The following LOXHD1 variants were observed in gnomAD, a reference collection of about 807,000 sequenced individuals.
The protein encoded by LOXHD1 is lipoxygenase homology domain-containing protein 1.
LOXHD1 carries 205 observed loss-of-function variants against 248.2 expected under a neutral mutation model. The ratio of observed to expected loss-of-function variants is 0.83; its 90% confidence interval spans 0.74 to 0.93. The LOEUF (loss-of-function observed/expected upper bound fraction) is 0.93, where lower values mean the gene tolerates loss of function less well. Ranked by LOEUF, LOXHD1 falls within the 40% of genes least tolerant of loss-of-function variation. The pLI is 0.00. For synonymous variants in LOXHD1, 1,113 were observed against 1,162.8 expected (o/e 0.96, Z 0.87); for missense variants, 2,930 against 2,971.6 (o/e 0.99, Z 0.33).
chr18:46,593,799 G>T, intron 9 of LOXHD1, 39 bp from the exon 10 acceptor site: 3 of 1,547,532 alleles, frequency 1.9e-6, no homozygotes, highest in Non-Finnish European at 2.6e-6. Context: ...ACTTCAGGAA[G>T]TGAAGAGATT....
Position 46,649,266 on chromosome 18 carries a change from T to C in LOXHD1, c.134A>G (p.Tyr45Cys). The C allele has an allele frequency of 6.4e-7, 1 of 1,551,376 alleles. No individual in the cohort carries two copies. Among genetic ancestry groups the C allele is most frequent in the Non-Finnish European group, 8.7e-7 (1 of 1,146,616 alleles). Residue 45 changes from tyrosine (Y) to cysteine (C), a missense_variant, in exon 2 of 41, where the codon TAT (tyrosine) becomes TGT (cysteine). Physicochemically the swap from Tyr to Cys is radical, Grantham distance 194 (BLOSUM62 -2). Coordinates refer to ENST00000642948, the MANE Select transcript of LOXHD1 (RefSeq NM_001384474.1). ...ATCCCCCGTGGCTGTGACCACTTCA[T>C]ACACTGGAGGAGGAGAGGAGGAGAC... ...LEHEYYKARVYEVVTATGDVR... is the reference protein window; with the variant it reads ...LEHEYYKARVCEVVTATGDVR...
At position 46,477,467 on chromosome 18, in the gene LOXHD1, G is replaced by T. The variant is rs79521066; in HGVS notation, c.*5C>A. 1.1e-5 allele frequency: 17 copies of T among 1,543,652 alleles called. No individual in the cohort carries two copies. The highest frequency in any genetic ancestry group is 1.4e-5 in the Non-Finnish European group (16 of 1,141,662). On this transcript the variant is annotated 3_prime_UTR_variant, in exon 41 of 41. Coordinates refer to ENST00000642948, the MANE Select transcript of LOXHD1 (RefSeq NM_001384474.1). ...TCTCAGTGAGAGGGTGGGGGCCCTA[G>T]CCCCTCAGACAGAAGGGAAGAGGTC...
chr18:46,564,220 T>C (rs1201083864), intron 17 of LOXHD1, among the ~76,000 whole-genome samples: 3 of 152,106 alleles, frequency 2.0e-5, no homozygotes, highest in African/African-American at 4.8e-5. Context: ...CGTCTAAGAC[T>C]GTAAAATTAA....
chr18:46,607,431 A>T (rs1417913498), intron 6 of LOXHD1, among the ~76,000 whole-genome samples: 2 of 150,054 alleles, frequency 1.3e-5, no homozygotes, highest in Non-Finnish European at 3.0e-5. Context: ...TGTCATAATG[A>T]ATATATATAC....
chr18:46,568,703 C>T (rs1213307235), intron 16 of LOXHD1, among the ~76,000 whole-genome samples: 2 of 152,166 alleles, frequency 1.3e-5, no homozygotes, highest in Non-Finnish European at 2.9e-5. Context: ...CCCCCTGACT[C>T]TACTGAGCCC....
chr18:46,592,367 C>G (rs981643888), intron 11 of LOXHD1, 131 bp downstream of exon 11: 4 of 800,684 alleles, frequency 5.0e-6, no homozygotes, highest in Admixed American at 5.6e-5. Context: ...AAATTCAGGT[C>G]TCACCATAAC....
intron 12 of LOXHD1, among the ~76,000 whole-genome samples, chr18:46,580,003 T>A (rs914237625): frequency 7.9e-5 from 12 of 152,256 alleles, no homozygotes; most frequent in Admixed American, 2.6e-4. Context: ...ATTATAGGTA[T>A]ATGGATTCCA....
intron 4 of LOXHD1, among the ~76,000 whole-genome samples, chr18:46,625,936 T>A (rs1175214277): frequency 1.3e-5 from 2 of 152,188 alleles, no homozygotes; most frequent in Non-Finnish European, 2.9e-5. Flanking sequence ...AGTAGACTGC[T>A]AGTATTTATC....
rs116852952 is a variant in LOXHD1, at chr18:46,559,399, G to A, written c.3216+49C>T. ...ATGGGCTGCCATGGGAATCTCAGAG[G>A]GCACCAAACCCACAGCCCCCACCCA... On this transcript the variant is annotated intron_variant, in intron 20 of 40. Transcript: ENST00000642948. 0.012 allele frequency: 17,978 copies of A among 1,551,398 alleles called. 128 individuals are homozygous for A. The highest frequency in any genetic ancestry group is 0.014 in the Non-Finnish European group (16,158 of 1,146,882).
At chr18:46,647,121 C>A (rs116950379) in intron 2 of LOXHD1, among the ~76,000 whole-genome samples, 6,441 of 152,300 alleles carry the variant, frequency 0.042, 176 homozygotes, top group South Asian at 0.07. Context: ...TGGGGCCAAC[C>A]CCTGGGGTAA....
chr18:46,592,672 G>A (rs2038193663), intron 10 of LOXHD1, 88 bp from the exon 11 acceptor site: 2 of 1,100,014 alleles, frequency 1.8e-6, no homozygotes, highest in Non-Finnish European at 2.7e-6. Flanking sequence ...GAGGGTACCT[G>A]CTTTGGGCTC....
chr18:46,549,341 G>C (rs2036985142), intron 21 of LOXHD1, among the ~76,000 whole-genome samples: 1 of 85,686 alleles, frequency 1.2e-5, no homozygotes, highest in African/African-American at 3.4e-5. Context: ...CCACTTGAAA[G>C]TAAAAAATGG....
chr18:46,479,442 A>G (rs1466055164), intron 40 of LOXHD1, among the ~76,000 whole-genome samples: 1 of 151,990 alleles, frequency 6.6e-6, no homozygotes, highest in African/African-American at 2.4e-5. Flanking sequence ...CAGGAATTAT[A>G]AAGGAAAAAG....
chr18:46,608,537 C>A (rs1398241371), intron 6 of LOXHD1, among the ~76,000 whole-genome samples: 1 of 152,214 alleles, frequency 6.6e-6, no homozygotes, highest in African/African-American at 2.4e-5. Flanking sequence ...CTTCAAGGTA[C>A]CTGTTCTGTG....
At chr18:46,487,913 G>T (rs1260876650) in intron 38 of LOXHD1, among the ~76,000 whole-genome samples, 2 of 152,172 alleles carry the variant, frequency 1.3e-5, no homozygotes, top group East Asian at 3.8e-4. Flanking sequence ...TTAGGATTGG[G>T]TTTCAGGTAC....
intron 25 of LOXHD1, among the ~76,000 whole-genome samples, chr18:46,538,630 A>G (rs924943362): frequency 2.0e-5 from 3 of 152,124 alleles, no homozygotes; most frequent in African/African-American, 2.4e-5. Context: ...CAGGCTTCAG[A>G]ATTTGACAAG....
At chr18:46,480,265 G>A (rs2032448184) in intron 40 of LOXHD1, among the ~76,000 whole-genome samples, 1 of 151,458 alleles carries the variant, frequency 6.6e-6, no homozygotes, top group Non-Finnish European at 1.5e-5. Context: ...CTTCAGCATC[G>A]CTTCTCCTCA....
chr18:46,588,435 C>T (rs940718507), intron 12 of LOXHD1, among the ~76,000 whole-genome samples: 1 of 152,148 alleles, frequency 6.6e-6, no homozygotes, highest in African/African-American at 2.4e-5. Flanking sequence ...AACAAAAAAA[C>T]ACCAGCTAGG....
At chr18:46,552,643 C>T (rs2037154170) in intron 21 of LOXHD1, among the ~76,000 whole-genome samples, 1 of 152,160 alleles carries the variant, frequency 6.6e-6, no homozygotes, top group South Asian at 2.1e-4. Context: ...TATATCTTCT[C>T]CCAATCCTTT....
Sources: allele counts gnomAD v4.1 joint callset (sites outside exome capture counted in the v4.1 genomes callset), GRCh38; gene constraint gnomAD v4.1.1; transcripts MANE v1.5; gene names NCBI Gene and HGNC (gene_info 2026-07-23, HGNC 2026-07-21).